The following NAT10 variants were observed in gnomAD, a reference collection of about 807,000 sequenced individuals.
NAT10 encodes N-acetyltransferase 10.
NAT10 carries 109 observed loss-of-function variants against 132.2 expected under a neutral mutation model. That is an observed-to-expected ratio of 0.82 (90% CI 0.71 to 0.97). NAT10 has a LOEUF of 0.97. Ranked by LOEUF, NAT10 falls within the 50% of genes least tolerant of loss-of-function variation. NAT10 has a pLI of 0.00. For synonymous variants in NAT10, 479 were observed against 478.0 expected, an observed-to-expected ratio of 1.00 and a Z score of -0.03; for missense variants, 1,184 against 1,263.4, an observed-to-expected ratio of 0.94 and a Z score of 0.95.
rs746348765 is a variant in NAT10, at chr11:34,127,640, C to G, written c.1244+41C>G. The G allele has an allele frequency of 2.3e-5, 37 of 1,576,374 alleles. No individual in the cohort carries two copies. In the South Asian group the frequency reaches 4.1e-4, roughly 17 times the overall value. On this transcript the variant is annotated intron_variant, in intron 12 of 28. Coordinates refer to ENST00000257829, the MANE Select transcript of NAT10 (RefSeq NM_024662.3). The stretch of plus-strand genomic sequence containing the variant: ...CAGGAGTCCTTACTCCCGTGGCAGG[C>G]TCTTGCAGATTTAGGGGCATGTAGT...
intron 28 of NAT10, among the ~76,000 whole-genome samples, 193 bp from the exon 29 acceptor site, chr11:34,145,891 T>C (rs1165190135): frequency 2.0e-5 from 3 of 152,172 alleles, no homozygotes; most frequent in Admixed American, 1.3e-4. Flanking sequence ...CTGGTCTGTA[T>C]GGTGTGTCCC....
At chr11:34,139,546 G>A in intron 23 of NAT10, 51 bp downstream of exon 23, 1 of 1,507,502 alleles carries the variant, frequency 6.6e-7, no homozygotes, top group Non-Finnish European at 9.2e-7. Context: ...TGGCTGTGTG[G>A]GAGGTGGGTG....
At chr11:34,141,671 C>A in intron 25 of NAT10, 48 bp from the exon 26 acceptor site, 1 of 1,561,026 alleles carries the variant, frequency 6.4e-7, no homozygotes, top group Non-Finnish European at 8.8e-7. Context: ...GTGACTGGGT[C>A]CCTGCTGCTC....
chr11:34,111,485 A>C (rs1050062305), intron 3 of NAT10, among the ~76,000 whole-genome samples: 1 of 152,246 alleles, frequency 6.6e-6, no homozygotes, highest in African/African-American at 2.4e-5. Flanking sequence ...AGGGTTTTTA[A>C]GACCAAAAAA....
intron 3 of NAT10, among the ~76,000 whole-genome samples, chr11:34,110,141 TC>T (rs774279599): frequency 2.6e-5 from 4 of 152,118 alleles, no homozygotes; most frequent in Non-Finnish European, 5.9e-5. Context: ...CAGACCACCT[TC>T]CGGAGCTCTT....
chr11:34,127,456 C>T lies in NAT10; in HGVS notation c.1108-7C>T. The T allele has an allele frequency of 6.3e-7, 1 of 1,595,610 alleles. No individual in the cohort carries two copies. Among genetic ancestry groups the T allele is most frequent in the South Asian group, 1.1e-5 (1 of 89,440 alleles). Reference sequence around the variant, plus strand: ...ATGCTAATAATCTAAATTTTCCTTCCCCATAGTATATACATCCTGCAGATG... The same window carrying T: ...ATGCTAATAATCTAAATTTTCCTTCTCCATAGTATATACATCCTGCAGATG... On this transcript the variant is annotated splice_polypyrimidine_tract_variant and splice_region_variant and intron_variant, in intron 11 of 28. Transcript: ENST00000257829.
chr11:34,130,757 C>A (rs199864167), intron 12 of NAT10, 56 bp from the exon 13 acceptor site: 3 of 1,606,518 alleles, frequency 1.9e-6, no homozygotes, highest in Non-Finnish European at 2.6e-6. Flanking sequence ...TCTCTGTCCC[C>A]TCCTAGACAG....
At chr11:34,111,988 G>A in intron 3 of NAT10, 64 bp from the exon 4 acceptor site, 1 of 1,587,204 alleles carries the variant, frequency 6.3e-7, no homozygotes, top group Non-Finnish European at 8.6e-7. Context: ...CCTTTCCCCT[G>A]GTTCCAGCTC....
rs1276097345 is a variant in NAT10, at chr11:34,135,234, T to G, written c.1971T>G (p.Pro657=). The G allele has an allele frequency of 2.5e-6, 4 of 1,614,204 alleles. No homozygotes were observed. The highest frequency in any genetic ancestry group is 3.4e-6 in the Non-Finnish European group (4 of 1,180,038). ...AGATGTACTATGAAGGCAGGTTTCCTTGTCTGGAGGAAAAGGTCCTTGAGA... is the reference window on the plus strand; with the variant it reads ...AGATGTACTATGAAGGCAGGTTTCCGTGTCTGGAGGAAAAGGTCCTTGAGA... The part of the protein sequence containing the change: ...LLQMYYEGRF[P]CLEEKVLETP... The change falls in exon 19 of 29, where the codon CCT becomes CCG. Residue 657 remains proline (P), a synonymous_variant. Coordinates refer to ENST00000257829, the MANE Select transcript of NAT10 (RefSeq NM_024662.3).
chr11:34,132,182 C>T lies in NAT10; in HGVS notation c.1578C>T (p.Leu526=), dbSNP rs1341213444. The change falls in exon 15 of 29, where the codon CTC becomes CTT. Residue 526 remains leucine (L), a synonymous_variant. Transcript: ENST00000257829. ...ACCACAAGGCCTCTGAAGTTTTCCT[C>T]CAACGGCTTATGGCCCTCTACGTGG... ...FCYHKASEVF[L]QRLMALYVAS... is the part of the protein sequence containing the mutation. The T allele has an allele frequency of 1.9e-6, 3 of 1,614,194 alleles. No individual in the cohort carries two copies. The highest frequency in any genetic ancestry group is 2.5e-6 in the Non-Finnish European group (3 of 1,180,022).
At chr11:34,134,263 G>A (rs749910449) in intron 16 of NAT10, 56 bp from the exon 17 acceptor site, 85 of 1,439,920 alleles carry the variant, frequency 5.9e-5, no homozygotes, top group Non-Finnish European at 8.2e-5. Context: ...TATTCTGTGA[G>A]TGGGCTCTGT....
chr11:34,110,276 T>C (rs1246106567), intron 3 of NAT10, among the ~76,000 whole-genome samples: 2 of 151,996 alleles, frequency 1.3e-5, no homozygotes, highest in South Asian at 2.1e-4. Flanking sequence ...TGTCTCCAGC[T>C]CTGGTTGCTT....
chr11:34,133,248 C>A lies in NAT10; in HGVS notation c.1734+106C>A, dbSNP rs966115636. 26 of 909,126 alleles carry A rather than the reference C, an allele frequency of 2.9e-5. No homozygotes were observed. The East Asian group carries it at 6.3e-4, about 22-fold the overall frequency. 56.3% of individuals were successfully genotyped at this position (909,126 alleles called of 1,614,324 possible). A position where few individuals can be genotyped will look rare whatever the true frequency, so the allele number is the denominator to read the frequency against. Reference sequence around the variant, plus strand: ...TGTGGGAGTTTTGAAACTGTGGAGTCCTGGTCTGGAACCAAGGGGCTGGGT... The same window carrying A: ...TGTGGGAGTTTTGAAACTGTGGAGTACTGGTCTGGAACCAAGGGGCTGGGT... On this transcript the variant is annotated intron_variant, in intron 16 of 28. Transcript: ENST00000257829.
chr11:34,146,221 A>T lies in NAT10; in HGVS notation c.*29A>T. ...AGAGAAACTCGGGCATCTGTGTTTG[A>T]TCATGGGAAGATACTCTCACTAACT... On this transcript the variant is annotated 3_prime_UTR_variant, in exon 29 of 29. Coordinates refer to ENST00000257829, the MANE Select transcript of NAT10 (RefSeq NM_024662.3). The T allele has an allele frequency of 6.7e-7, 1 of 1,495,752 alleles. No homozygotes were observed. Among genetic ancestry groups the T allele is most frequent in the Non-Finnish European group, 9.2e-7 (1 of 1,092,198 alleles). The allele number at this position is 1,495,752 out of a possible 1,614,324, so 92.7% of individuals were successfully genotyped here.
In NAT10 at chr11:34,134,564, C is replaced by T; in HGVS notation, c.1889C>T (p.Ala630Val). The change falls in exon 18 of 29, where the codon GCT (alanine) becomes GTT (valine). Residue 630 changes from alanine to valine, a missense_variant. Physicochemically the swap from Ala to Val is moderately conservative, Grantham distance 64 (BLOSUM62 0). Transcript: ENST00000257829. ...GLSGGRVVRI[A>V]VHPDYQGMGY... is the part of the protein sequence containing the mutation. ...TCTGGTGGAAGGGTCGTTCGCATTGCTGTTCACCCAGATTATCAAGGGGTA... is the reference window on the plus strand; with the variant it reads ...TCTGGTGGAAGGGTCGTTCGCATTGTTGTTCACCCAGATTATCAAGGGGTA... 1 of 1,614,152 alleles carries T rather than the reference C, an allele frequency of 6.2e-7. No individual in the cohort carries two copies. The highest frequency in any genetic ancestry group is 8.5e-7 in the Non-Finnish European group (1 of 1,180,026).
Position 34,141,130 on chromosome 11 carries a change from C to T in NAT10, c.2634C>T (p.Asp878=). The part of the protein sequence containing the change: ...LGIGLQHKSV[D]QLEKEIELPS... ...TTGGCCTGCAGCATAAGTCTGTGGACCAGCTGGAAAAGGAGATTGAGCTGC... is the reference window on the plus strand; with the variant it reads ...TTGGCCTGCAGCATAAGTCTGTGGATCAGCTGGAAAAGGAGATTGAGCTGC... Residue 878 remains aspartate, a synonymous_variant, in exon 25 of 29, where the codon GAC becomes GAT. Coordinates refer to ENST00000257829, the MANE Select transcript of NAT10 (RefSeq NM_024662.3). 1 of 1,613,870 alleles carries T rather than the reference C, an allele frequency of 6.2e-7. No individual in the cohort carries two copies. Among genetic ancestry groups the T allele is most frequent in the Non-Finnish European group, 8.5e-7 (1 of 1,179,994 alleles).
At position 34,118,411 on chromosome 11, in the gene NAT10, CCTT is replaced by C. The variant is rs1386750961; in HGVS notation, c.691_693del (p.Ser231del). ...TCTCTGGTAGGATGAGAGTCTTGGT[CCTT>C]CTGATCTGGAGCTGAGGGAGTTGAA... is the stretch of plus-strand genomic sequence containing the variant. On this transcript the variant is annotated inframe_deletion, in exon 8 of 29. Coordinates refer to ENST00000257829, the MANE Select transcript of NAT10 (RefSeq NM_024662.3). The C allele has an allele frequency of 6.2e-7, 1 of 1,614,044 alleles. No individual in the cohort carries two copies. The highest frequency in any genetic ancestry group is 1.7e-5 in the Admixed American group (1 of 60,012).
rs1268918981 is a variant in NAT10 at position 34,105,675 on chromosome 11, C to T, written c.-133C>T. The T allele has an allele frequency of 6.6e-6, 1 of 152,338 alleles. No homozygotes were observed. Among genetic ancestry groups the T allele is most frequent in the Non-Finnish European group, 1.5e-5 (1 of 68,108 alleles). The allele number at this position is 152,338 out of a possible 1,614,324, so 9.4% of individuals were successfully genotyped here. Reference sequence around the variant, plus strand: ...CCGCGGAGCCAGGCTTACTACGTGACCCGGACACCAGGCATACGCTAGGGG... The same window carrying T: ...CCGCGGAGCCAGGCTTACTACGTGATCCGGACACCAGGCATACGCTAGGGG... On this transcript the variant is annotated 5_prime_UTR_variant, in exon 1 of 29. Coordinates refer to ENST00000257829, the MANE Select transcript of NAT10 (RefSeq NM_024662.3).
At chr11:34,123,128 G>T (rs1177525070) in intron 9 of NAT10, among the ~76,000 whole-genome samples, 1 of 152,172 alleles carries the variant, frequency 6.6e-6, no homozygotes, top group African/African-American at 2.4e-5. Context: ...TACTGTGTTT[G>T]CCTTTGTGCA....
Sources: allele counts gnomAD v4.1 joint callset (sites outside exome capture counted in the v4.1 genomes callset), GRCh38; gene constraint gnomAD v4.1.1; transcripts MANE v1.5; gene names NCBI Gene and HGNC (gene_info 2026-07-23, HGNC 2026-07-21).